SLC25A21: variants seen among roughly 807,000 people sequenced by gnomAD.
SLC25A21 encodes the protein solute carrier family 25 member 21.
SLC25A21 carries 47 observed loss-of-function variants against 43.8 expected under a neutral mutation model. The observed-to-expected ratio is 1.07, with a 90% CI of 0.85 to 1.37. The LOEUF is 1.37. Among genes scored for constraint, SLC25A21 ranks in the 40% most tolerant of loss-of-function variants. The pLI is 0.00. For missense variants in SLC25A21, 352 were observed against 350.2 expected (o/e 1.00, Z -0.04); for synonymous variants, 131 against 121.3 (o/e 1.08, Z -0.52).
chr14:37,071,299 G>A (rs556343105), intron 1 of SLC25A21, among the ~76,000 whole-genome samples: 202 of 152,290 alleles, frequency 1.3e-3, no homozygotes, highest in African/African-American at 4.6e-3. Flanking sequence ...CAGACAACTT[G>A]TGTTCATCAG....
intron 1 of SLC25A21, among the ~76,000 whole-genome samples, chr14:37,005,195 C>T (rs1407312213): frequency 6.6e-6 from 1 of 152,076 alleles, no homozygotes; most frequent in Non-Finnish European, 1.5e-5. Context: ...AGCGCACACA[C>T]ACATGCAAAT....
chr14:37,113,061 C>T (rs1051137351), intron 1 of SLC25A21, among the ~76,000 whole-genome samples: 2 of 152,110 alleles, frequency 1.3e-5, no homozygotes, highest in African/African-American at 4.8e-5. Flanking sequence ...AACTCTAGCT[C>T]GGTCAAGTCA....
chr14:37,093,274 A>G (rs1268050790), intron 1 of SLC25A21, among the ~76,000 whole-genome samples: 6 of 152,192 alleles, frequency 3.9e-5, no homozygotes. Flanking sequence ...AAAATTACAA[A>G]TATAACATAA....
chr14:36,827,503 G>A lies in SLC25A21; in HGVS notation c.120-13502C>T, dbSNP rs572304144. Among the ~76,000 whole-genome samples the A allele has an allele frequency of 4.6e-5, 7 of 152,148 alleles. No homozygotes were observed. In the East Asian group the frequency reaches 1.2e-3, roughly 25 times the overall value. On this transcript the variant is annotated intron_variant, in intron 2 of 9. Transcript: ENST00000331299. ...AAAAAAATCTTGATATACTCTCTAG[G>A]GTAGTTGGCAGATCTTTCCTTTTTT...
chr14:37,170,152 C>T (rs533731938), intron 1 of SLC25A21, among the ~76,000 whole-genome samples: 1 of 152,150 alleles, frequency 6.6e-6, no homozygotes, highest in Admixed American at 6.5e-5. Context: ...TCTCCTGCCT[C>T]AGCCTCCCAA....
chr14:37,062,122 G>A (rs1050231610), intron 1 of SLC25A21, among the ~76,000 whole-genome samples: 2 of 152,188 alleles, frequency 1.3e-5, no homozygotes, highest in Non-Finnish European at 2.9e-5. Flanking sequence ...CCTGTAAACA[G>A]AAGAGAAGTA....
At chr14:36,873,102 A>G (rs1413218112) in intron 2 of SLC25A21, among the ~76,000 whole-genome samples, 2 of 152,210 alleles carry the variant, frequency 1.3e-5, no homozygotes, top group African/African-American at 4.8e-5. Context: ...CCCTCAAATG[A>G]AAAAGATTAT....
At chr14:36,938,821 A>C (rs1184928509) in intron 1 of SLC25A21, among the ~76,000 whole-genome samples, 1 of 152,130 alleles carries the variant, frequency 6.6e-6, no homozygotes, top group Non-Finnish European at 1.5e-5. Flanking sequence ...TAATGAGTAA[A>C]ACATAAATTA....
rs940769093 is a variant in SLC25A21 at position 36,923,126 on chromosome 14, A to T, written c.71-48122T>A. Among the ~76,000 whole-genome samples, 25 of 152,150 alleles carry T rather than the reference A, an allele frequency of 1.6e-4. 1 individual carries two copies. The highest frequency in any genetic ancestry group is 4.4e-5 in the Non-Finnish European group (3 of 68,032). ...CATGTATTTAAAAAGCTGAAAAAAA[A>T]TTCCAAGGAGAAAAAAGAAAAAGAC... is the stretch of plus-strand genomic sequence containing the variant. On this transcript the variant is annotated intron_variant, in intron 1 of 9. Coordinates refer to ENST00000331299, the MANE Select transcript of SLC25A21 (RefSeq NM_030631.4).
intron 2 of SLC25A21, among the ~76,000 whole-genome samples, chr14:36,838,400 C>T (rs186504121): frequency 3.2e-4 from 48 of 152,208 alleles, no homozygotes; most frequent in Non-Finnish European, 6.2e-4. Context: ...GTGAAGCACA[C>T]TGGGACACAC....
intron 2 of SLC25A21, among the ~76,000 whole-genome samples, chr14:36,826,533 C>T (rs953774393): frequency 6.6e-6 from 1 of 152,144 alleles, no homozygotes; most frequent in Non-Finnish European, 1.5e-5. Context: ...TTTAATTCAC[C>T]ACTCAAAATC....
At chr14:37,028,575 A>T (rs999488786) in intron 1 of SLC25A21, among the ~76,000 whole-genome samples, 2 of 152,236 alleles carry the variant, frequency 1.3e-5, no homozygotes, top group African/African-American at 4.8e-5. Flanking sequence ...GAAGAAAACA[A>T]GACTGTAAGT....
At chr14:36,760,587 T>G (rs1300538548) in intron 3 of SLC25A21, among the ~76,000 whole-genome samples, 1 of 152,210 alleles carries the variant, frequency 6.6e-6, no homozygotes, top group Non-Finnish European at 1.5e-5. Flanking sequence ...ATACTGGCAC[T>G]CCCTGAGTTT....
intron 1 of SLC25A21, among the ~76,000 whole-genome samples, chr14:36,921,593 G>T (rs1427669244): frequency 6.6e-6 from 1 of 152,130 alleles, no homozygotes; most frequent in African/African-American, 2.4e-5. Context: ...AGTCCATACA[G>T]TATGATTCCA....
intron 1 of SLC25A21, among the ~76,000 whole-genome samples, chr14:37,012,496 C>A (rs938631890): frequency 2.0e-5 from 3 of 152,048 alleles, no homozygotes; most frequent in African/African-American, 7.2e-5. Context: ...AATAGTATAA[C>A]CTGTAAATGC....
At chr14:36,853,879 A>G (rs1206881666) in intron 2 of SLC25A21, among the ~76,000 whole-genome samples, 1 of 152,244 alleles carries the variant, frequency 6.6e-6, no homozygotes, top group African/African-American at 2.4e-5. Flanking sequence ...TAGAGAGCAC[A>G]GTCCATCTAG....
At chr14:36,863,364 ATACTC>A (rs368608288) in intron 2 of SLC25A21, among the ~76,000 whole-genome samples, 352 of 150,944 alleles carry the variant, frequency 2.3e-3, no homozygotes, top group African/African-American at 8.4e-3. Context: ...AATAGCTACT[ATACTC>A]TATACAAACA....
At chr14:36,900,606 A>C (rs1891371801) in intron 1 of SLC25A21, among the ~76,000 whole-genome samples, 1 of 152,160 alleles carries the variant, frequency 6.6e-6, no homozygotes, top group Admixed American at 6.5e-5. Flanking sequence ...AGGAATTCTA[A>C]TTTATAGTTT....
At chr14:37,074,969 T>A (rs1241251936) in intron 1 of SLC25A21, among the ~76,000 whole-genome samples, 1 of 152,204 alleles carries the variant, frequency 6.6e-6, no homozygotes, top group Non-Finnish European at 1.5e-5. Flanking sequence ...TACAAAGTTG[T>A]AGAAGCCATT....
Sources: allele counts gnomAD v4.1 joint callset (sites outside exome capture counted in the v4.1 genomes callset), GRCh38; gene constraint gnomAD v4.1.1; transcripts MANE v1.5; gene names NCBI Gene and HGNC (gene_info 2026-07-23, HGNC 2026-07-21).